Variants in YWHAQ observed in about 807,000 individuals in gnomAD.
YWHAQ encodes the protein tyrosine 3-monooxygenase/tryptophan 5-monooxygenase activation protein theta.
In YWHAQ, 6 loss-of-function variants were observed where a neutral mutation model predicts 28.3. The observed-to-expected ratio is 0.21, with a 90% CI of 0.12 to 0.42. The LOEUF (loss-of-function observed/expected upper bound fraction) is 0.42, where lower values mean the gene tolerates loss of function less well. YWHAQ is among the 10% of genes least tolerant of loss of function. The pLI, the probability that YWHAQ is intolerant of heterozygous loss-of-function variation, is 1.00. For synonymous variants in YWHAQ, 143 were observed against 119.1 expected, an observed-to-expected ratio of 1.20 and a Z score of -1.31; for missense variants, 201 against 305.6, an observed-to-expected ratio of 0.66 and a Z score of 2.55.
At chr2:9,585,577 T>C (rs568237272) in intron 5 of YWHAQ, among the ~76,000 whole-genome samples, 2 of 151,846 alleles carry the variant, frequency 1.3e-5, no homozygotes, top group African/African-American at 2.4e-5. Context: ...TACATACATA[T>C]ACCACTGGAG....
intron 4 of YWHAQ, 105 bp downstream of exon 4, chr2:9,588,060 G>A: frequency 7.5e-7 from 1 of 1,327,388 alleles, no homozygotes. Flanking sequence ...AATAAATATA[G>A]TAGAAATCAT....
intron 2 of YWHAQ, among the ~76,000 whole-genome samples, chr2:9,608,225 T>C (rs1666874476): frequency 6.6e-6 from 1 of 152,136 alleles, no homozygotes; most frequent in African/African-American, 2.4e-5. Context: ...GTAGAAATAC[T>C]TTAAATAAAA....
chr2:9,599,848 A>G (rs2125065747), intron 2 of YWHAQ, among the ~76,000 whole-genome samples: 1 of 152,354 alleles, frequency 6.6e-6, no homozygotes, highest in Non-Finnish European at 1.5e-5. Context: ...TTCAAGTGGA[A>G]TTATTTAAGA....
Position 9,619,794 on chromosome 2 carries a change from G to A in YWHAQ, c.294+10365C>T, listed in dbSNP as rs544180678. On this transcript the variant is annotated intron_variant, in intron 2 of 5. Transcript: ENST00000238081. ...CAAGAGGGCAAACACTAGCACTGAA[G>A]ATCTAAAAAGTATATTCCCAAATGA... is the stretch of plus-strand genomic sequence containing the variant. 7.5e-4 allele frequency among the ~76,000 whole-genome samples: 114 copies of A among 152,212 alleles called. 1 individual carries two copies. The highest frequency in any genetic ancestry group is 2.7e-3 in the African/African-American group (112 of 41,538).
chr2:9,587,146 A>G (rs979005430), intron 5 of YWHAQ, among the ~76,000 whole-genome samples: 3 of 152,326 alleles, frequency 2.0e-5, no homozygotes, highest in African/African-American at 7.2e-5. Context: ...CTCTTTATTA[A>G]CATAATTTAT....
rs527315452 is a variant in YWHAQ, at chr2:9,627,297, C to T, written c.294+2862G>A. Among the ~76,000 whole-genome samples the T allele has an allele frequency of 2.0e-5, 3 of 152,312 alleles. No homozygotes were observed. The East Asian group carries it at 5.8e-4, about 29-fold the overall frequency. On this transcript the variant is annotated intron_variant, in intron 2 of 5. Coordinates refer to ENST00000238081, the MANE Select transcript of YWHAQ (RefSeq NM_006826.4). ...TTAGCTATCCTTCATGTTACTTTAACTAGTCTTCTATAATTACCAAGTTAG... is the reference window on the plus strand; with the variant it reads ...TTAGCTATCCTTCATGTTACTTTAATTAGTCTTCTATAATTACCAAGTTAG...
Position 9,630,750 on chromosome 2 carries a change from C to A in YWHAQ, c.-83+191G>T, listed in dbSNP as rs1667358496. On this transcript the variant is annotated intron_variant, in intron 1 of 5. Transcript: ENST00000238081. This position sits in a 1 kb window ranked among gnomAD's most constrained non-coding sequence, Gnocchi z 5.6. Reference sequence around the variant, plus strand: ...GGCCCCGCGCGCAGGGAGCCCGAGCCGCGGCCGCTCCCGCCACCCCCGCCC... The same window carrying A: ...GGCCCCGCGCGCAGGGAGCCCGAGCAGCGGCCGCTCCCGCCACCCCCGCCC... 6.6e-6 allele frequency: 1 copy of A among 152,448 alleles called. No homozygotes were observed. The highest frequency in any genetic ancestry group is 1.5e-5 in the Non-Finnish European group (1 of 68,890). The allele number at this position is 152,448 out of a possible 1,614,324, so 9.4% of individuals were successfully genotyped here. A position where few individuals can be genotyped will look rare whatever the true frequency, so the allele number is the denominator to read the frequency against.
intron 2 of YWHAQ, among the ~76,000 whole-genome samples, chr2:9,622,753 CATT>C (rs1350260212): frequency 6.6e-6 from 1 of 152,180 alleles, no homozygotes; most frequent in East Asian, 1.9e-4. Flanking sequence ...GTATTATCAT[CATT>C]TTGTCTTTAA....
intron 2 of YWHAQ, among the ~76,000 whole-genome samples, chr2:9,603,268 G>A (rs1220491220): frequency 1.7e-5 from 2 of 117,542 alleles, no homozygotes; most frequent in Non-Finnish European, 3.4e-5. Context: ...ATTCTCCCTT[G>A]AATTTTTTTT....
intron 5 of YWHAQ, among the ~76,000 whole-genome samples, chr2:9,586,719 A>G (rs375532091): frequency 1.3e-5 from 2 of 152,204 alleles, no homozygotes; most frequent in East Asian, 1.9e-4. Context: ...TATCTAGTAA[A>G]TGATAAAGCA....
At position 9,626,746 on chromosome 2, in the gene YWHAQ, T is replaced by C. The variant is rs376035759; in HGVS notation, c.294+3413A>G. ...ACATCCAGCCAAAGCCCAGTTTTTT[T>C]GTGTCTAAATTTTGCTCTTGCCAAC... On this transcript the variant is annotated intron_variant, in intron 2 of 5. Transcript: ENST00000238081. 3.7e-4 allele frequency among the ~76,000 whole-genome samples: 56 copies of C among 152,336 alleles called. 1 individual carries two copies. The East Asian group carries it at 5.6e-3, about 15-fold the overall frequency.
chr2:9,602,818 C>A (rs1666718566), intron 2 of YWHAQ, among the ~76,000 whole-genome samples: 1 of 120,578 alleles, frequency 8.3e-6, no homozygotes, highest in Admixed American at 1.0e-4. Context: ...TGTGAACCAC[C>A]ATGCCTAATT....
intron 2 of YWHAQ, among the ~76,000 whole-genome samples, chr2:9,619,047 T>G (rs1033747527): frequency 1.3e-5 from 2 of 152,198 alleles, no homozygotes; most frequent in Admixed American, 1.3e-4. Flanking sequence ...CTAATAATCT[T>G]AGTAGGTCCT....
intron 2 of YWHAQ, among the ~76,000 whole-genome samples, chr2:9,600,577 T>C (rs1478066933): frequency 6.6e-6 from 1 of 152,032 alleles, no homozygotes. Context: ...TGGTGGTGCA[T>C]GCCTGTAATC....
At chr2:9,627,079 T>C (rs1013712702) in intron 2 of YWHAQ, among the ~76,000 whole-genome samples, 4 of 152,242 alleles carry the variant, frequency 2.6e-5, no homozygotes, top group Admixed American at 1.3e-4. Context: ...GGTTCACTTA[T>C]AGTTCTTTAC....
In YWHAQ at chr2:9,593,923, T is replaced by TACAC. The variant is rs1553372602; in HGVS notation, c.295-2412_295-2409dup. 4.9e-3 allele frequency among the ~76,000 whole-genome samples: 656 copies of TACAC among 135,150 alleles called. 8 individuals carry two copies. Among genetic ancestry groups the TACAC allele is most frequent in the African/African-American group, 0.018 (622 of 34,382 alleles). 88.7% of individuals were successfully genotyped at this position (135,150 alleles called of 152,430 possible). ...TAAAAAAAATATATATATATATATA[T>TACAC]ACACACACACACACACACACTTTTT... is the stretch of plus-strand genomic sequence containing the variant. On this transcript the variant is annotated intron_variant, in intron 2 of 5. Coordinates refer to ENST00000238081, the MANE Select transcript of YWHAQ (RefSeq NM_006826.4).
chr2:9,616,028 G>A (rs1322785251), intron 2 of YWHAQ, among the ~76,000 whole-genome samples: 6 of 152,162 alleles, frequency 3.9e-5, no homozygotes, highest in Admixed American at 6.5e-5. Flanking sequence ...ATTGCATTTC[G>A]TAGGATGGGT....
intron 2 of YWHAQ, among the ~76,000 whole-genome samples, chr2:9,620,292 G>A (rs1226810648): frequency 1.3e-5 from 2 of 152,168 alleles, no homozygotes; most frequent in Non-Finnish European, 2.9e-5. Flanking sequence ...ACCACACTGT[G>A]CCAAACCCAA....
intron 2 of YWHAQ, among the ~76,000 whole-genome samples, chr2:9,622,596 G>A (rs1016808179): frequency 5.3e-5 from 8 of 152,270 alleles, no homozygotes; most frequent in Admixed American, 2.6e-4. Context: ...ATTTCTAGGG[G>A]AGGAAAAACT....
Sources: gnomAD v4.1 joint callset for allele counts (sites outside exome capture counted in the v4.1 genomes callset) on GRCh38, gnomAD v4.1.1 for gene constraint, Gnocchi (gnomAD v3.1) non-coding constraint, MANE v1.5 for transcripts, NCBI Gene and HGNC (gene_info 2026-07-23, HGNC 2026-07-21) for gene names.